The following EPM2A variants were observed in gnomAD, a reference collection of about 807,000 sequenced individuals.
The protein encoded by EPM2A is EPM2A glucan phosphatase, laforin, also known as laforin.
A neutral mutation model predicts 26.5 loss-of-function variants in EPM2A; 21 were observed. The observed-to-expected ratio is 0.79, with a 90% CI of 0.56 to 1.14. The LOEUF is 1.14. EPM2A is among the 50% of genes most tolerant of loss of function. The pLI, the probability that EPM2A is intolerant of heterozygous loss-of-function variation, is 0.00. For synonymous variants in EPM2A, 217 were observed against 177.6 expected, an observed-to-expected ratio of 1.22 and a Z score of -1.76; for missense variants, 458 against 440.8, an observed-to-expected ratio of 1.04 and a Z score of -0.35.
chr6:145,627,039 C>G lies in EPM2A; in HGVS notation c.*377G>C. The stretch of plus-strand genomic sequence containing the variant: ...TCCACATAACTCCATATCTTTTCCT[C>G]TACATGGCCAAGAGTTTCAGTGCAA... On this transcript the variant is annotated 3_prime_UTR_variant, in exon 4 of 4. Coordinates refer to ENST00000367519, the MANE Select transcript of EPM2A (RefSeq NM_005670.4). The G allele has an allele frequency of 8.6e-7, 1 of 1,156,552 alleles. No individual in the cohort carries two copies. 71.6% of individuals were successfully genotyped at this position (1,156,552 alleles called of 1,614,324 possible). A position where few individuals can be genotyped will look rare whatever the true frequency, so the allele number is the denominator to read the frequency against.
intron 4 of EPM2A, among the ~76,000 whole-genome samples, chr6:145,413,255 C>T (rs1778666548): frequency 6.6e-6 from 1 of 152,064 alleles, no homozygotes; most frequent in African/African-American, 2.4e-5. Flanking sequence ...ATGTAGTTGC[C>T]TGGTTATATT....
chr6:145,478,815 T>C (rs1042080092), intron 4 of EPM2A, among the ~76,000 whole-genome samples: 3 of 151,870 alleles, frequency 2.0e-5, no homozygotes, highest in Admixed American at 1.3e-4. Context: ...TTTTATTTTT[T>C]ACTTTTAACT....
At chr6:145,513,491 G>A (rs1044580567) in intron 2 of EPM2A, among the ~76,000 whole-genome samples, 1 of 152,176 alleles carries the variant, frequency 6.6e-6, no homozygotes, top group Non-Finnish European at 1.5e-5. Context: ...ATATTATGGC[G>A]ATATCTCAAA....
chr6:145,491,257 C>T (rs977316055), intron 4 of EPM2A: 9 of 367,518 alleles, frequency 2.4e-5, no homozygotes, highest in African/African-American at 4.3e-5. Flanking sequence ...CCGGCCACTT[C>T]GGCACCAGCT....
In EPM2A at chr6:145,625,546, A is replaced by C. The variant is rs926919576; in HGVS notation, c.*1870T>G. On this transcript the variant is annotated 3_prime_UTR_variant, in exon 4 of 4. Coordinates refer to ENST00000367519, the MANE Select transcript of EPM2A (RefSeq NM_005670.4). ...AGAAATTCACAGACCCACATAGTTT[A>C]AAAATTTAATTTTTAAGATTAAATT... 4 of 623,144 alleles carry C rather than the reference A, an allele frequency of 6.4e-6. No homozygotes were observed. The highest frequency in any genetic ancestry group is 4.0e-4 in the Middle Eastern group (1 of 2,508). The allele number at this position is 623,144 out of a possible 1,614,324, so 38.6% of individuals were successfully genotyped here.
chr6:145,669,946 G>A (rs1036780553), intron 2 of EPM2A, among the ~76,000 whole-genome samples: 6 of 152,064 alleles, frequency 3.9e-5, no homozygotes, highest in African/African-American at 1.4e-4. Flanking sequence ...TGAGAAAAGA[G>A]CCATCAAAAA....
chr6:145,724,551 C>A (rs570702443), intron 1 of EPM2A, among the ~76,000 whole-genome samples: 1 of 152,092 alleles, frequency 6.6e-6, no homozygotes, highest in South Asian at 2.1e-4. Context: ...CAAGAGCCAA[C>A]ACAATTTTGA....
intron 2 of EPM2A, among the ~76,000 whole-genome samples, chr6:145,643,607 T>C (rs773430288): frequency 1.3e-5 from 2 of 152,184 alleles, no homozygotes; most frequent in African/African-American, 4.8e-5. Context: ...TGTAATCAAG[T>C]CACTAAATAG....
intron 2 of EPM2A, among the ~76,000 whole-genome samples, chr6:145,673,662 C>T (rs536059797): frequency 3.9e-5 from 6 of 152,252 alleles, no homozygotes; most frequent in African/African-American, 1.2e-4. Context: ...CCCACGGAGC[C>T]TTGTTGACTG....
chr6:145,543,870 T>C (rs1297890161), intron 2 of EPM2A, among the ~76,000 whole-genome samples: 1 of 152,304 alleles, frequency 6.6e-6, no homozygotes, highest in East Asian at 1.9e-4. Context: ...TTGGGACTTG[T>C]TAGTGGCTCA....
At chr6:145,536,014 C>G (rs981228888) in intron 2 of EPM2A, among the ~76,000 whole-genome samples, 1 of 152,202 alleles carries the variant, frequency 6.6e-6, no homozygotes, top group African/African-American at 2.4e-5. Context: ...CATAAAATTG[C>G]TAAAGTCAGT....
chr6:145,685,828 A>G (rs555244431), intron 2 of EPM2A, among the ~76,000 whole-genome samples: 58 of 152,292 alleles, frequency 3.8e-4, no homozygotes, highest in Non-Finnish European at 3.4e-4. Context: ...ATTTTAGTGT[A>G]GTTCTTATTT....
chr6:145,680,435 C>A (rs1780429178), intron 2 of EPM2A, among the ~76,000 whole-genome samples: 1 of 150,600 alleles, frequency 6.6e-6, no homozygotes, highest in Admixed American at 6.7e-5. Context: ...TACATGTGCA[C>A]AATGTGCAGG....
At chr6:145,713,625 G>A (rs77155736) in intron 1 of EPM2A, among the ~76,000 whole-genome samples, 48 of 152,246 alleles carry the variant, frequency 3.2e-4, no homozygotes, top group African/African-American at 1.2e-3. Flanking sequence ...TACACTGCTG[G>A]TGAGTGGAAA....
chr6:145,478,827 C>A lies in EPM2A; in HGVS notation c.555+23695G>T, dbSNP rs576553109. Among the ~76,000 whole-genome samples, 12 of 151,844 alleles carry A rather than the reference C, an allele frequency of 7.9e-5. No individual in the cohort carries two copies. In the East Asian group the frequency reaches 2.3e-3, roughly 29 times the overall value. On this transcript the variant is annotated intron_variant, in intron 4 of 4. Coordinates refer to the EPM2A transcript ENST00000638717. ...TAATTTTATTTTTTACTTTTAACTT[C>A]ATTGCATAAATACCAGATAATGTAG...
At chr6:145,409,899 G>T (rs1409543021) in intron 4 of EPM2A, among the ~76,000 whole-genome samples, 1 of 152,200 alleles carries the variant, frequency 6.6e-6, no homozygotes, top group African/African-American at 2.4e-5. Context: ...CTGATGACAT[G>T]TCTTCCAAGT....
At chr6:145,711,222 T>C (rs1775301537) in intron 1 of EPM2A, among the ~76,000 whole-genome samples, 1 of 152,212 alleles carries the variant, frequency 6.6e-6, no homozygotes, top group Non-Finnish European at 1.5e-5. Flanking sequence ...GGGGAAATTA[T>C]AAAGTTTGTA....
intron 1 of EPM2A, among the ~76,000 whole-genome samples, chr6:145,716,814 C>T (rs1775653791): frequency 6.6e-6 from 1 of 152,184 alleles, no homozygotes; most frequent in African/African-American, 2.4e-5. Flanking sequence ...TCCTGTCTCC[C>T]TCACATGGAG....
At chr6:145,490,122 T>A in intron 4 of EPM2A, 1 of 1,164,828 alleles carries the variant, frequency 8.6e-7, no homozygotes, top group Non-Finnish European at 1.2e-6. Flanking sequence ...GTCATTGATA[T>A]GTCACAGGTT....
Sources: allele counts gnomAD v4.1 joint callset (sites outside exome capture counted in the v4.1 genomes callset), GRCh38; gene constraint gnomAD v4.1.1; transcripts MANE v1.5; gene names NCBI Gene and HGNC (gene_info 2026-07-23, HGNC 2026-07-21).